Variants in TMEM132B observed in about 807,000 individuals in gnomAD.
TMEM132B encodes transmembrane protein 132B.
TMEM132B carries 18 observed loss-of-function variants against 90.8 expected under a neutral mutation model. The observed-to-expected ratio is 0.20, with a 90% CI of 0.14 to 0.29. The LOEUF is 0.29. Ranked by LOEUF, TMEM132B falls within the 10% of genes least tolerant of loss-of-function variation. The pLI, the probability that TMEM132B is intolerant of heterozygous loss-of-function variation, is 1.00. For missense variants in TMEM132B, 1,096 were observed against 1,326.8 expected, an observed-to-expected ratio of 0.83 and a Z score of 2.70; for synonymous variants, 504 against 523.3, an observed-to-expected ratio of 0.96 and a Z score of 0.50.
intron 1 of TMEM132B, among the ~76,000 whole-genome samples, chr12:125,331,225 G>C (rs927490096): frequency 1.3e-5 from 2 of 152,218 alleles, no homozygotes; most frequent in African/African-American, 2.4e-5. Flanking sequence ...CCCCTCCTCC[G>C]CGTTGCTGCC....
At chr12:125,193,427 G>A (rs1439653812) in intron 1 of TMEM132B, among the ~76,000 whole-genome samples, 1 of 152,168 alleles carries the variant, frequency 6.6e-6, no homozygotes, top group Non-Finnish European at 1.5e-5. Flanking sequence ...TGTGTTCTAG[G>A]GCAGGTTGGG....
intron 2 of TMEM132B, among the ~76,000 whole-genome samples, chr12:125,362,946 G>A (rs1435064137): frequency 9.9e-5 from 15 of 152,062 alleles, no homozygotes; most frequent in Admixed American, 5.9e-4. Flanking sequence ...GTATCTGCTC[G>A]AAGAGCTCTA....
intron 3 of TMEM132B, among the ~76,000 whole-genome samples, chr12:125,461,794 G>A (rs932624375): frequency 3.3e-5 from 5 of 152,312 alleles, no homozygotes; most frequent in African/African-American, 4.8e-5. Flanking sequence ...TCCTCCCGGC[G>A]CTGCCAGGCC....
chr12:125,477,355 A>C (rs1881910179), intron 3 of TMEM132B, among the ~76,000 whole-genome samples: 1 of 152,236 alleles, frequency 6.6e-6, no homozygotes, highest in South Asian at 2.1e-4. Context: ...ACAGACAGCC[A>C]AGTAATGTAA....
intron 3 of TMEM132B, among the ~76,000 whole-genome samples, chr12:125,511,839 A>T (rs1442488516): frequency 1.4e-5 from 2 of 146,030 alleles, no homozygotes; most frequent in African/African-American, 5.2e-5. Context: ...GCGACAGAGC[A>T]AGACTCTATC....
intron 1 of TMEM132B, among the ~76,000 whole-genome samples, chr12:125,315,387 C>T (rs766743854): frequency 5.9e-5 from 9 of 152,206 alleles, no homozygotes; most frequent in South Asian, 2.1e-4. Context: ...TTAGTAGAGA[C>T]GGGGTTTCAC....
At chr12:125,535,070 G>A (rs1883761756) in intron 4 of TMEM132B, among the ~76,000 whole-genome samples, 1 of 152,134 alleles carries the variant, frequency 6.6e-6, no homozygotes, top group Admixed American at 6.5e-5. Context: ...TTTATTAATT[G>A]TTTATAACCT....
At chr12:125,537,731 C>T (rs924192673) in intron 4 of TMEM132B, among the ~76,000 whole-genome samples, 5 of 152,312 alleles carry the variant, frequency 3.3e-5, no homozygotes, top group African/African-American at 7.2e-5. Flanking sequence ...GGTGGCATAT[C>T]AGGGACCACA....
intron 5 of TMEM132B, chr12:125,585,411 G>A (rs781588913): frequency 1.1e-4 from 16 of 152,212 alleles, no homozygotes; most frequent in Non-Finnish European, 1.8e-4. Context: ...AAATATGGAT[G>A]ATGAACTGCT....
chr12:125,574,714 G>C (rs781014840), intron 4 of TMEM132B, among the ~76,000 whole-genome samples: 1 of 151,966 alleles, frequency 6.6e-6, no homozygotes, highest in Non-Finnish European at 1.5e-5. Context: ...GTCAAAAAGG[G>C]TGTTGAAGAT....
At chr12:125,569,241 T>C (rs1486572220) in intron 4 of TMEM132B, among the ~76,000 whole-genome samples, 1 of 152,080 alleles carries the variant, frequency 6.6e-6, no homozygotes, top group Admixed American at 6.5e-5. Context: ...AGTATCACCA[T>C]TGCTTCCCCA....
At chr12:125,511,813 T>C (rs1396349119) in intron 3 of TMEM132B, among the ~76,000 whole-genome samples, 3 of 147,330 alleles carry the variant, frequency 2.0e-5, no homozygotes, top group African/African-American at 7.7e-5. Context: ...GATCGCACCA[T>C]TGCACTCCAG....
chr12:125,296,542 A>G (rs1171948858), intron 1 of TMEM132B, among the ~76,000 whole-genome samples: 1 of 152,186 alleles, frequency 6.6e-6, no homozygotes, highest in Non-Finnish European at 1.5e-5. Context: ...CACTGCTTGT[A>G]TCACCTTCTG....
chr12:125,575,642 A>T (rs1884925053), intron 4 of TMEM132B, among the ~76,000 whole-genome samples: 2 of 151,966 alleles, frequency 1.3e-5, no homozygotes, highest in Admixed American at 1.3e-4. Flanking sequence ...GCTGAGTCTG[A>T]AGTCATGAAG....
Position 125,650,713 on chromosome 12 carries a change from T to C in TMEM132B, c.1674T>C (p.Asp558=), listed in dbSNP as rs1566101885. The part of the protein sequence containing the change: ...RPTRESDDED[D]EEKKGRGCSL... ...CCCGGGAAAGCGATGACGAGGACGA[T>C]GAGGAGAAGAAGGGACGAGGCTGCT... Residue 558 remains aspartate, a synonymous_variant, in exon 7 of 9, where the codon GAT becomes GAC. Coordinates refer to ENST00000682704, the MANE Select transcript of TMEM132B (RefSeq NM_001366854.1). The C allele has an allele frequency of 1.2e-6, 2 of 1,610,946 alleles. No individual in the cohort carries two copies. Among genetic ancestry groups the C allele is most frequent in the Non-Finnish European group, 1.7e-6 (2 of 1,177,278 alleles).
chr12:125,653,580 T>C lies in TMEM132B; in HGVS notation c.2122T>C (p.Ser708Pro). ...QSPQQEAIVSSWILFSDGSVT... is the reference protein window; with the variant it reads ...QSPQQEAIVSPWILFSDGSVT... ...TTTTCCTCAGGAAGCAATAGTAAGT[T>C]CTTGGATTTTGTTCAGTGATGGTTC... Residue 708 changes from serine to proline, a missense_variant, in exon 9 of 9, where the codon TCT becomes CCT. Physicochemically the swap from Ser to Pro is moderately conservative, Grantham distance 74. Transcript: ENST00000682704. 6.2e-7 allele frequency: 1 copy of C among 1,605,386 alleles called. No individual in the cohort carries two copies. The highest frequency in any genetic ancestry group is 8.5e-7 in the Non-Finnish European group (1 of 1,172,814).
chr12:125,384,989 T>A (rs1032542941), intron 2 of TMEM132B, among the ~76,000 whole-genome samples: 6 of 152,098 alleles, frequency 3.9e-5, no homozygotes, highest in African/African-American at 1.4e-4. Context: ...CCTTTCCCCA[T>A]CCTCTCAGCT....
chr12:125,329,748 G>C (rs970175091), intron 1 of TMEM132B, among the ~76,000 whole-genome samples: 5 of 152,094 alleles, frequency 3.3e-5, no homozygotes, highest in African/African-American at 9.7e-5. Context: ...CCCCAGCCCC[G>C]GCCCCTTGAC....
intron 4 of TMEM132B, among the ~76,000 whole-genome samples, chr12:125,583,201 A>G (rs569976146): frequency 6.6e-6 from 1 of 152,278 alleles, no homozygotes; most frequent in East Asian, 1.9e-4. Context: ...GAGATAAACT[A>G]TGAACATATA....
Sources: allele counts gnomAD v4.1 joint callset (sites outside exome capture counted in the v4.1 genomes callset), GRCh38; gene constraint gnomAD v4.1.1; transcripts MANE v1.5; gene names NCBI Gene and HGNC (gene_info 2026-07-23, HGNC 2026-07-21).